The following CHD9 variants were observed in gnomAD, a reference collection of about 807,000 sequenced individuals.
CHD9 encodes the protein ATP-dependent chromatin remodeler CHD9.
A neutral mutation model predicts 316.1 loss-of-function variants in CHD9; 77 were observed. That is an observed-to-expected ratio of 0.24 (90% CI 0.20 to 0.29). The LOEUF (loss-of-function observed/expected upper bound fraction) is 0.29, where lower values mean the gene tolerates loss of function less well. Among genes scored for constraint, CHD9 ranks in the 10% least tolerant of loss-of-function variants. The probability of loss-of-function intolerance (pLI) is 1.00; values close to 1 mark genes in which losing one functional copy is unlikely to be tolerated. For synonymous variants in CHD9, 1,129 were observed against 1,158.3 expected (o/e 0.97, Z 0.51); for missense variants, 2,763 against 3,438.1 (o/e 0.80, Z 4.91).
intron 1 of CHD9, among the ~76,000 whole-genome samples, chr16:53,071,079 G>A (rs952417227): frequency 5.9e-5 from 9 of 152,204 alleles, no homozygotes; most frequent in Non-Finnish European, 1.2e-4. Flanking sequence ...AGATCACTTT[G>A]GGTAGCACTG....
intron 22 of CHD9, among the ~76,000 whole-genome samples, chr16:53,271,570 GAAGAAAAAAAAA>G (rs1452089346): frequency 1.5e-5 from 2 of 131,888 alleles, no homozygotes; most frequent in Non-Finnish European, 3.2e-5. Context: ...CTCTGTCTCA[GAAGAAAAAAAAA>G]AAGAAAAAGA....
intron 1 of CHD9, among the ~76,000 whole-genome samples, chr16:53,143,535 C>T (rs1489066875): frequency 1.3e-5 from 2 of 151,818 alleles, no homozygotes; most frequent in African/African-American, 2.4e-5. Context: ...CTACAGGCAC[C>T]CGCCACCATG....
At chr16:53,128,351 GT>G in intron 1 of CHD9, among the ~76,000 whole-genome samples, 1 of 152,158 alleles carries the variant, frequency 6.6e-6, no homozygotes, top group South Asian at 2.1e-4. Context: ...CCCAGCTAAT[GT>G]TGTATTTTTA....
At chr16:53,159,445 A>G (rs879902924) in intron 2 of CHD9, among the ~76,000 whole-genome samples, 8 of 152,218 alleles carry the variant, frequency 5.3e-5, no homozygotes, top group Non-Finnish European at 1.0e-4. Context: ...TTAAGGATTC[A>G]TAAAATGCTT....
rs777270733 is a variant in CHD9, at chr16:53,157,544, A to C, written c.1452+3A>C. On this transcript the variant is annotated splice_donor_region_variant and intron_variant, in intron 2 of 38. Transcript: ENST00000447540. ...ATCACCTATGTTTACAGCGACAGGT[A>C]TGTAGCTCTTTGCTTTTATTTTGGA... 1 of 1,598,838 alleles carries C rather than the reference A, an allele frequency of 6.3e-7. No individual in the cohort carries two copies. The highest frequency in any genetic ancestry group is 1.7e-5 in the Admixed American group (1 of 58,042).
chr16:53,153,316 G>C (rs979185933), intron 1 of CHD9, among the ~76,000 whole-genome samples: 2 of 152,190 alleles, frequency 1.3e-5, no homozygotes, highest in African/African-American at 4.8e-5. Context: ...AGAAATAGCA[G>C]CTTGTTTGTA....
intron 20 of CHD9, among the ~76,000 whole-genome samples, chr16:53,264,254 T>C (rs2051429053): frequency 1.3e-5 from 2 of 152,262 alleles, no homozygotes; most frequent in South Asian, 4.1e-4. Context: ...TTTTAAATTT[T>C]TTTGGAAGAA....
At position 53,154,727 on chromosome 16, in the gene CHD9, A is replaced by C. The variant is rs931449851; in HGVS notation, c.-164-1199A>C. Among the ~76,000 whole-genome samples the C allele has an allele frequency of 2.0e-5, 3 of 152,314 alleles. No individual in the cohort carries two copies. In the East Asian group the frequency reaches 5.8e-4, roughly 29 times the overall value. On this transcript the variant is annotated intron_variant, in intron 1 of 38. Transcript: ENST00000447540. ...GCTGATGTGACAGGAGGCGGAGCTC[A>C]GGCAGTAATGCTGGCTGACCTGCTG...
At chr16:53,321,778 G>A in intron 38 of CHD9, 148 bp downstream of exon 38, 1 of 494,864 alleles carries the variant, frequency 2.0e-6, no homozygotes, top group Non-Finnish European at 3.5e-6. Flanking sequence ...AGTACATGTT[G>A]CAAATTTCTC....
At chr16:53,205,857 T>G (rs1342555489) in intron 2 of CHD9, among the ~76,000 whole-genome samples, 1 of 152,192 alleles carries the variant, frequency 6.6e-6, no homozygotes, top group Non-Finnish European at 1.5e-5. Context: ...AAATTTCAAA[T>G]TGCTAGAGAT....
At chr16:53,221,907 G>GA (rs1376502047) in intron 3 of CHD9, among the ~76,000 whole-genome samples, 1 of 151,708 alleles carries the variant, frequency 6.6e-6, no homozygotes, top group Non-Finnish European at 1.5e-5. Flanking sequence ...TTTAATAAGA[G>GA]AAAAAAATCT....
intron 2 of CHD9, among the ~76,000 whole-genome samples, chr16:53,163,895 T>C (rs2042093532): frequency 6.6e-6 from 1 of 152,236 alleles, no homozygotes; most frequent in African/African-American, 2.4e-5. Flanking sequence ...ACATATGTTA[T>C]CACATTGATC....
intron 24 of CHD9, among the ~76,000 whole-genome samples, chr16:53,281,949 A>AT (rs1374385717): frequency 2.0e-5 from 3 of 152,120 alleles, no homozygotes; most frequent in Non-Finnish European, 2.9e-5. Flanking sequence ...AATTACGTTA[A>AT]TTTGTATATC....
chr16:53,319,800 C>G, intron 37 of CHD9: 1 of 1,251,618 alleles, frequency 8.0e-7, no homozygotes, highest in South Asian at 1.3e-5. Context: ...TGTCTTGAGT[C>G]TCTCGGGTAC....
chr16:53,121,378 A>T (rs2038728484), intron 1 of CHD9: 1 of 456,070 alleles, frequency 2.2e-6, no homozygotes, highest in Non-Finnish European at 4.4e-6. Flanking sequence ...GCTCGGGGAT[A>T]TTTTATCAAG....
chr16:53,273,994 G>A (rs1567602152), intron 23 of CHD9, among the ~76,000 whole-genome samples: 1 of 152,044 alleles, frequency 6.6e-6, no homozygotes, highest in Non-Finnish European at 1.5e-5. Context: ...GCCTCCAAAT[G>A]AGCTCATTAT....
rs1371089030 is a variant in CHD9, at chr16:53,070,547, CTCTCTCTT to C, written c.-165+15474_-165+15481del. ...TTCCTTCCTTCCTCTCTCTCTCTCTCTCTCTCTTTCTTTCTGTCTTTCTTTTTTTTGGA... is the reference window on the plus strand; with the variant it reads ...TTCCTTCCTTCCTCTCTCTCTCTCTCTCTTTCTGTCTTTCTTTTTTTTGGA... On this transcript the variant is annotated intron_variant, in intron 1 of 38. Transcript: ENST00000447540. 4.5e-4 allele frequency among the ~76,000 whole-genome samples: 67 copies of C among 149,556 alleles called. No homozygotes were observed. In the South Asian group the frequency reaches 4.6e-3, roughly 10 times the overall value.
chr16:53,228,542 T>C (rs921518849), intron 7 of CHD9, among the ~76,000 whole-genome samples: 1 of 147,740 alleles, frequency 6.8e-6, no homozygotes, highest in East Asian at 2.0e-4. Context: ...AAAGTGTTTT[T>C]TTTTTTTTTT....
intron 1 of CHD9, among the ~76,000 whole-genome samples, chr16:53,118,361 G>A (rs1399342988): frequency 6.6e-6 from 1 of 151,436 alleles, no homozygotes; most frequent in East Asian, 1.9e-4. Flanking sequence ...AGGTTGCAGT[G>A]AGCCGAGATC....
Sources: gnomAD v4.1 joint callset for allele counts (sites outside exome capture counted in the v4.1 genomes callset) on GRCh38, gnomAD v4.1.1 for gene constraint, MANE v1.5 for transcripts, NCBI Gene and HGNC (gene_info 2026-07-23, HGNC 2026-07-21) for gene names.